CHN2: variants seen among roughly 807,000 people sequenced by gnomAD.
CHN2 encodes chimerin 2, also known as beta-chimaerin.
In CHN2, 35 loss-of-function variants were observed where a neutral mutation model predicts 56.3. The ratio of observed to expected loss-of-function variants is 0.62; its 90% CI spans 0.47 to 0.82. The LOEUF is 0.82. CHN2 is among the 40% of genes least tolerant of loss of function. The pLI is 0.00. For synonymous variants in CHN2, 210 were observed against 212.8 expected (o/e 0.99, Z 0.12); for missense variants, 491 against 580.5 (o/e 0.85, Z 1.58).
chr7:29,206,288 AT>A (rs1010060107), intron 1 of CHN2, among the ~76,000 whole-genome samples: 25 of 152,038 alleles, frequency 1.6e-4, no homozygotes, highest in African/African-American at 4.8e-4. Flanking sequence ...TTAGAAAAAA[AT>A]TTTTTTCCCC....
At chr7:29,213,197 G>A (rs781371436) in intron 1 of CHN2, 15 of 1,262,356 alleles carry the variant, frequency 1.2e-5, no homozygotes, top group Non-Finnish European at 1.6e-5. Context: ...CCACGAACAC[G>A]CAACCTGAAG....
chr7:29,358,664 C>A (rs1018664796), intron 2 of CHN2, among the ~76,000 whole-genome samples: 4 of 151,972 alleles, frequency 2.6e-5, no homozygotes, highest in Non-Finnish European at 5.9e-5. Flanking sequence ...CAGGGTTTCA[C>A]CCTGTTAGCC....
intron 6 of CHN2, among the ~76,000 whole-genome samples, chr7:29,455,411 TGAG>T (rs1400937576): frequency 6.6e-6 from 1 of 152,144 alleles, no homozygotes; most frequent in Non-Finnish European, 1.5e-5. Flanking sequence ...GCGGCACAGT[TGAG>T]GACACCCTGA....
chr7:29,176,079 G>A (rs1225388290), intron 2 of CHN2, among the ~76,000 whole-genome samples: 8 of 151,978 alleles, frequency 5.3e-5, no homozygotes, highest in African/African-American at 1.7e-4. Context: ...CCAGCTACTC[G>A]GGAGGCTGAG....
chr7:29,398,058 AG>A (rs10546638), intron 4 of CHN2: 9,394 of 158,612 alleles, frequency 0.059, 294 homozygotes, highest in African/African-American at 0.13. Flanking sequence ...GTTAAAAAAA[AG>A]GGGGGGGGGG....
chr7:29,429,473 A>G (rs1483367003), intron 6 of CHN2, among the ~76,000 whole-genome samples: 2 of 152,216 alleles, frequency 1.3e-5, no homozygotes, highest in Admixed American at 1.3e-4. Context: ...TCTGATACCA[A>G]TTATATAAAA....
chr7:29,227,294 A>G (rs1202426248), intron 1 of CHN2, among the ~76,000 whole-genome samples: 1 of 152,144 alleles, frequency 6.6e-6, no homozygotes, highest in Non-Finnish European at 1.5e-5. Context: ...TCTGACTTAG[A>G]GTCACTTTCC....
chr7:29,386,511 T>C (rs1053198483), intron 3 of CHN2, among the ~76,000 whole-genome samples: 37 of 152,222 alleles, frequency 2.4e-4, no homozygotes, highest in African/African-American at 8.7e-4. Context: ...ATTGGAAACC[T>C]TGTTTACAGA....
intron 6 of CHN2, among the ~76,000 whole-genome samples, chr7:29,443,307 G>A (rs1439088559): frequency 6.6e-6 from 1 of 152,208 alleles, no homozygotes; most frequent in African/African-American, 2.4e-5. Context: ...CCATTTGGAT[G>A]TATAAGCTGA....
chr7:29,273,757 G>T (rs539634107), intron 1 of CHN2, among the ~76,000 whole-genome samples: 1 of 152,064 alleles, frequency 6.6e-6, no homozygotes, highest in South Asian at 2.1e-4. Context: ...TTACTTTACT[G>T]CAGCTCTGTT....
At chr7:29,323,272 T>G (rs950552886) in intron 1 of CHN2, among the ~76,000 whole-genome samples, 1 of 152,010 alleles carries the variant, frequency 6.6e-6, no homozygotes, top group African/African-American at 2.4e-5. Context: ...TGTTTGAAGA[T>G]GGATACCCTG....
intron 3 of CHN2, among the ~76,000 whole-genome samples, chr7:29,392,058 C>T (rs772986950): frequency 4.6e-5 from 7 of 152,110 alleles, no homozygotes; most frequent in African/African-American, 7.2e-5. Context: ...ACTTGTGCTA[C>T]GGTTCAGCCA....
intron 1 of CHN2, among the ~76,000 whole-genome samples, chr7:29,308,246 C>G (rs1301692575): frequency 4.6e-5 from 7 of 152,166 alleles, no homozygotes; most frequent in Non-Finnish European, 1.0e-4. Context: ...CTCAGACTTC[C>G]TGCCGTGGGC....
At chr7:29,416,774 GTGTATATGTGTA>G (rs561435139) in intron 6 of CHN2, among the ~76,000 whole-genome samples, 1,451 of 144,564 alleles carry the variant, frequency 0.01, 13 homozygotes, top group South Asian at 0.026. Context: ...GTATGTATGC[GTGTATATGTGTA>G]TGTATATGTA....
rs1784422309 is a variant in CHN2, at chr7:29,205,043, T to TAAAAATGCAC, written c.49+10056_49+10065dup. On this transcript the variant is annotated intron_variant, in intron 1 of 12. Coordinates refer to ENST00000222792, the MANE Select transcript of CHN2 (RefSeq NM_004067.4). Reference sequence around the variant, plus strand: ...AAGTAATAGCAGTAAGGGTATTTTGTAAAAATGCACAACAGCCTTTCAGGG... The same window carrying TAAAAATGCAC: ...AAGTAATAGCAGTAAGGGTATTTTGTAAAAATGCACAAAAATGCACAACAGCCTTTCAGGG... Among the ~76,000 whole-genome samples, 6 of 152,336 alleles carry TAAAAATGCAC rather than the reference T, an allele frequency of 3.9e-5. No individual in the cohort carries two copies. In the South Asian group the frequency reaches 1.2e-3, roughly 32 times the overall value.
Position 29,182,253 on chromosome 7 carries a change from C to CGCAGA in CHN2, c.274+35295_274+35299dup, listed in dbSNP as rs1343219735. 2.0e-5 allele frequency among the ~76,000 whole-genome samples: 3 copies of CGCAGA among 152,050 alleles called. No individual in the cohort carries two copies. In the East Asian group the frequency reaches 5.8e-4, roughly 29 times the overall value. ...AATGATAGAGTTTGAAAAATAGGAG[C>CGCAGA]GCAGAGGAAGGTTAGCAGTGGTGGA... On this transcript the variant is annotated intron_variant, in intron 2 of 6. Coordinates refer to the CHN2 transcript ENST00000439384.
intron 1 of CHN2, among the ~76,000 whole-genome samples, chr7:29,225,913 C>A (rs1394563718): frequency 3.3e-5 from 5 of 152,094 alleles, no homozygotes; most frequent in African/African-American, 1.2e-4. Context: ...TAATAAAACT[C>A]CCCAAATGGT....
chr7:29,242,758 T>TG (rs1554374670), intron 1 of CHN2, among the ~76,000 whole-genome samples: 2 of 39,880 alleles, frequency 5.0e-5, no homozygotes, highest in African/African-American at 8.9e-5. Context: ...ACTTTCCTTC[T>TG]GAAAAAAAAA....
At chr7:29,358,731 TG>T (rs2128027792) in intron 2 of CHN2, among the ~76,000 whole-genome samples, 1 of 152,294 alleles carries the variant, frequency 6.6e-6, no homozygotes, top group African/African-American at 2.4e-5. Flanking sequence ...CCCAAAGTGC[TG>T]GGATTACAGG....
Sources: gnomAD v4.1 joint callset for allele counts (sites outside exome capture counted in the v4.1 genomes callset) on GRCh38, gnomAD v4.1.1 for gene constraint, MANE v1.5 for transcripts, NCBI Gene and HGNC (gene_info 2026-07-23, HGNC 2026-07-21) for gene names.